The following PDE7B variants were observed in gnomAD, a reference collection of about 807,000 sequenced individuals.
The protein encoded by PDE7B is 3',5'-cyclic-AMP phosphodiesterase 7B.
A neutral mutation model predicts 56.2 loss-of-function variants in PDE7B; 29 were observed. The ratio of observed to expected loss-of-function variants is 0.52; its 90% CI spans 0.38 to 0.70. The LOEUF is 0.70. Ranked by LOEUF, PDE7B falls within the 30% of genes least tolerant of loss-of-function variation. The pLI is 0.00. For synonymous variants in PDE7B, 197 were observed against 196.9 expected (o/e 1.00, Z 0.00); for missense variants, 490 against 565.0 (o/e 0.87, Z 1.35).
chr6:136,104,214 C>T (rs1777609571), intron 2 of PDE7B, among the ~76,000 whole-genome samples: 1 of 152,152 alleles, frequency 6.6e-6, no homozygotes. Context: ...TCAGAATGCC[C>T]CTGCTGTTTG....
At chr6:136,017,652 G>A (rs1368335124) in intron 2 of PDE7B, among the ~76,000 whole-genome samples, 3 of 152,052 alleles carry the variant, frequency 2.0e-5, no homozygotes, top group African/African-American at 7.2e-5. Context: ...ACTTAACCAC[G>A]TAAACTTTAA....
Position 136,152,077 on chromosome 6 carries a change from A to G in PDE7B, c.478+822A>G, listed in dbSNP as rs574497700. 1.1e-4 allele frequency among the ~76,000 whole-genome samples: 17 copies of G among 152,302 alleles called. No individual in the cohort carries two copies. The South Asian group carries it at 2.3e-3, about 20-fold the overall frequency. ...TAGGCTGAGGAAGAAGAGGAAGAGG[A>G]GGGGTTGGTCTTCCTGTCTCAGGGT... On this transcript the variant is annotated intron_variant, in intron 6 of 12. Transcript: ENST00000308191.
chr6:136,168,572 C>T (rs916119668), intron 8 of PDE7B, among the ~76,000 whole-genome samples: 2 of 152,084 alleles, frequency 1.3e-5, no homozygotes, highest in Non-Finnish European at 2.9e-5. Flanking sequence ...CACATTCTGG[C>T]AGCTGTAAGG....
chr6:136,171,379 G>A, intron 8 of PDE7B, among the ~76,000 whole-genome samples: 1 of 152,132 alleles, frequency 6.6e-6, no homozygotes, highest in Non-Finnish European at 1.5e-5. Context: ...AAACCTTAGT[G>A]TACATATGAA....
intron 1 of PDE7B, among the ~76,000 whole-genome samples, chr6:135,896,543 G>A (rs1021679920): frequency 2.0e-5 from 3 of 152,080 alleles, no homozygotes; most frequent in African/African-American, 7.2e-5. Context: ...CTGTATGCCT[G>A]CTCATGTGTT....
chr6:136,148,395 G>T (rs1778452677), intron 4 of PDE7B, among the ~76,000 whole-genome samples: 1 of 131,112 alleles, frequency 7.6e-6, no homozygotes, highest in South Asian at 2.7e-4. Context: ...AAGAAGGAAA[G>T]GAAAGAAAGA....
chr6:135,973,956 A>G (rs2128203294), intron 2 of PDE7B, among the ~76,000 whole-genome samples: 1 of 152,296 alleles, frequency 6.6e-6, no homozygotes, highest in Middle Eastern at 3.4e-3. Context: ...AAGACAATTC[A>G]GTCTCCATGT....
intron 3 of PDE7B, among the ~76,000 whole-genome samples, chr6:136,128,213 T>C (rs1295338513): frequency 1.3e-5 from 2 of 152,206 alleles, no homozygotes; most frequent in Non-Finnish European, 1.5e-5. Context: ...AAATCAAGTA[T>C]GCCCTATTCA....
chr6:136,158,826 T>A (rs566839520), intron 8 of PDE7B, among the ~76,000 whole-genome samples: 1 of 152,230 alleles, frequency 6.6e-6, no homozygotes, highest in African/African-American at 2.4e-5. Flanking sequence ...AACCAAGAAT[T>A]TACTTTCTGT....
chr6:135,960,832 T>A (rs1268996740), intron 2 of PDE7B, among the ~76,000 whole-genome samples: 1 of 152,188 alleles, frequency 6.6e-6, no homozygotes, highest in Admixed American at 6.5e-5. Context: ...AAGAGTATAT[T>A]CTTTGTCCAG....
At chr6:136,038,288 A>G (rs1388262717) in intron 2 of PDE7B, 4 of 1,297,014 alleles carry the variant, frequency 3.1e-6, no homozygotes, top group African/African-American at 1.5e-5. Context: ...GGCACAAGAC[A>G]GAATGCCTGT....
In PDE7B at chr6:136,191,943, T is replaced by C. The variant is rs1048823931; in HGVS notation, c.*103T>C. 8 of 853,714 alleles carry C rather than the reference T, an allele frequency of 9.4e-6. No homozygotes were observed. In the African/African-American group the frequency reaches 1.2e-4, roughly 13 times the overall value. 52.9% of individuals were successfully genotyped at this position (853,714 alleles called of 1,614,324 possible). On this transcript the variant is annotated 3_prime_UTR_variant, in exon 13 of 13. Transcript: ENST00000308191. ...CAGCAGCCCAGCCACTTTCTGAGTGTTGTCCTGGGGCTCTTTGGAACGCCA... is the reference window on the plus strand; with the variant it reads ...CAGCAGCCCAGCCACTTTCTGAGTGCTGTCCTGGGGCTCTTTGGAACGCCA...
chr6:135,934,410 GA>G (rs1056165479), intron 1 of PDE7B, among the ~76,000 whole-genome samples: 31 of 151,830 alleles, frequency 2.0e-4, no homozygotes, highest in Non-Finnish European at 3.4e-4. Context: ...ATTTGTCAGT[GA>G]AAAAAGCTGC....
intron 2 of PDE7B, 135 bp downstream of exon 2, chr6:135,947,659 A>G (rs995569675): frequency 4.5e-6 from 3 of 664,438 alleles, no homozygotes; most frequent in South Asian, 1.7e-5. Context: ...GCAGACAGCT[A>G]TAACACATTT....
chr6:135,964,654 A>G (rs1774961958), intron 2 of PDE7B, among the ~76,000 whole-genome samples: 1 of 152,202 alleles, frequency 6.6e-6, no homozygotes, highest in African/African-American at 2.4e-5. Context: ...CTATAGCTAT[A>G]TGATCTGATA....
chr6:135,928,817 G>A (rs1389130200), intron 1 of PDE7B, among the ~76,000 whole-genome samples: 2 of 151,876 alleles, frequency 1.3e-5, no homozygotes, highest in Non-Finnish European at 2.9e-5. Flanking sequence ...GAAGTGGGAG[G>A]GTGGGAGAGG....
chr6:135,878,838 A>G (rs1385749914), intron 1 of PDE7B, among the ~76,000 whole-genome samples: 2 of 152,188 alleles, frequency 1.3e-5, no homozygotes, highest in East Asian at 3.8e-4. Context: ...TTATTAGAGA[A>G]GGCAAAACAT....
Position 135,970,563 on chromosome 6 carries a change from A to G in PDE7B, c.82+23039A>G, listed in dbSNP as rs148307540. Among the ~76,000 whole-genome samples, 66 of 152,300 alleles carry G rather than the reference A, an allele frequency of 4.3e-4. No homozygotes were observed. In the East Asian group the frequency reaches 0.013, roughly 29 times the overall value. ...GGGCCTAAGATTAGGTCTATTTAAC[A>G]AGTTCCCACTGATGCTGATAATGCC... On this transcript the variant is annotated intron_variant, in intron 2 of 12. Transcript: ENST00000308191.
intron 1 of PDE7B, among the ~76,000 whole-genome samples, chr6:135,860,326 T>C (rs1238094414): frequency 1.3e-5 from 2 of 152,044 alleles, no homozygotes; most frequent in African/African-American, 2.4e-5. Flanking sequence ...TTAGGAAACA[T>C]TTTTAAAATA....
Sources: allele counts gnomAD v4.1 joint callset (sites outside exome capture counted in the v4.1 genomes callset), GRCh38; gene constraint gnomAD v4.1.1; transcripts MANE v1.5; gene names NCBI Gene and HGNC (gene_info 2026-07-23, HGNC 2026-07-21).